Variants in CELF2 observed in about 807,000 individuals in gnomAD.
The protein encoded by CELF2 is CUGBP Elav-like family member 2.
A neutral mutation model predicts 62.6 loss-of-function variants in CELF2; 8 were observed. The ratio of observed to expected loss-of-function variants is 0.13; its 90% CI spans 0.07 to 0.23. CELF2 has a LOEUF of 0.23. CELF2 is among the 10% of genes least tolerant of loss of function. The pLI is 1.00. For synonymous variants in CELF2, 258 were observed against 250.0 expected (o/e 1.03, Z -0.30); for missense variants, 333 against 671.0 (o/e 0.50, Z 5.56).
chr10:10,702,152 C>G, the CELF2 span, among the ~76,000 whole-genome samples: 2 of 152,096 alleles, frequency 1.3e-5, no homozygotes, highest in African/African-American at 4.8e-5. Context: ...ATTCCATGAG[C>G]CCTGCCTTGC....
At chr10:11,067,875 C>T (rs1369948435) in intron 1 of CELF2, among the ~76,000 whole-genome samples, 1 of 152,184 alleles carries the variant, frequency 6.6e-6, no homozygotes, top group Non-Finnish European at 1.5e-5. Flanking sequence ...TGGGAATATT[C>T]AGTTGGCAAG....
chr10:10,571,463 A>C, the CELF2 span, among the ~76,000 whole-genome samples: 5 of 152,200 alleles, frequency 3.3e-5, no homozygotes, highest in African/African-American at 1.2e-4. Context: ...TATAGTTATT[A>C]AGCTGCTGAA....
chr10:10,829,118 G>T (rs1037436056), intron 1 of CELF2, among the ~76,000 whole-genome samples: 1 of 152,224 alleles, frequency 6.6e-6, no homozygotes, highest in African/African-American at 2.4e-5. Context: ...ATGGTTCATT[G>T]TCATCAATCT....
At chr10:10,477,641 A>G in the CELF2 span, among the ~76,000 whole-genome samples, 1 of 152,130 alleles carries the variant, frequency 6.6e-6, no homozygotes, top group East Asian at 1.9e-4. Context: ...AATAGGATTA[A>G]GAGCTCGACA....
the CELF2 span, among the ~76,000 whole-genome samples, chr10:10,635,010 A>C: frequency 6.6e-6 from 1 of 152,192 alleles, no homozygotes; most frequent in African/African-American, 2.4e-5. Context: ...TGGAGGCCAC[A>C]CAGCAGAAGA....
the CELF2 span, among the ~76,000 whole-genome samples, chr10:10,499,651 G>T: frequency 6.6e-6 from 1 of 152,132 alleles, no homozygotes; most frequent in Non-Finnish European, 1.5e-5. Context: ...AGGCCAAGGC[G>T]GGCAGATCAT....
intron 3 of CELF2, among the ~76,000 whole-genome samples, chr10:11,238,392 G>A (rs2072389033): frequency 6.6e-6 from 1 of 152,094 alleles, no homozygotes; most frequent in African/African-American, 2.4e-5. Flanking sequence ...TTTCAAAATT[G>A]TTTTATACCC....
chr10:10,703,179 T>A, the CELF2 span, among the ~76,000 whole-genome samples: 1 of 152,254 alleles, frequency 6.6e-6, no homozygotes. Flanking sequence ...GTTCTTACCA[T>A]GTGCGGGGAA....
the CELF2 span, among the ~76,000 whole-genome samples, chr10:10,554,265 A>G: frequency 6.6e-6 from 1 of 152,130 alleles, no homozygotes; most frequent in Non-Finnish European, 1.5e-5. Context: ...TATGCATAGG[A>G]CATTTCAGAT....
the CELF2 span, among the ~76,000 whole-genome samples, chr10:10,726,627 T>A: frequency 2.0e-5 from 3 of 152,294 alleles, no homozygotes; most frequent in East Asian, 5.8e-4. Flanking sequence ...GTTTGCTCCA[T>A]TTGGTCATGA....
chr10:10,595,534 C>A, the CELF2 span, among the ~76,000 whole-genome samples: 1 of 152,172 alleles, frequency 6.6e-6, no homozygotes, highest in Non-Finnish European at 1.5e-5. Context: ...GTGGAAGCAG[C>A]TTTCCATAAG....
the CELF2 span, among the ~76,000 whole-genome samples, chr10:10,751,914 C>T: frequency 6.6e-6 from 1 of 152,102 alleles, no homozygotes; most frequent in East Asian, 1.9e-4. Context: ...CGTGACCTGG[C>T]TCTTTGATTA....
chr10:10,919,774 A>C (rs1381843626), intron 1 of CELF2, among the ~76,000 whole-genome samples: 1 of 152,254 alleles, frequency 6.6e-6, no homozygotes, highest in African/African-American at 2.4e-5. Flanking sequence ...TTCCGTTGAA[A>C]GTAACCATTG....
At chr10:10,643,712 G>T in the CELF2 span, among the ~76,000 whole-genome samples, 1 of 152,088 alleles carries the variant, frequency 6.6e-6, no homozygotes, top group Non-Finnish European at 1.5e-5. Flanking sequence ...TCCTTCTAGG[G>T]AAGAGGACAA....
At chr10:10,494,778 A>G in the CELF2 span, among the ~76,000 whole-genome samples, 1 of 152,198 alleles carries the variant, frequency 6.6e-6, no homozygotes, top group Admixed American at 6.5e-5. Context: ...ATAAAAAATA[A>G]TATGATTAGA....
chr10:10,560,133 C>T, the CELF2 span, among the ~76,000 whole-genome samples: 4 of 152,124 alleles, frequency 2.6e-5, no homozygotes, highest in African/African-American at 9.7e-5. Context: ...AGGTCAGCTT[C>T]CCAAGTATAG....
At chr10:10,702,774 C>T in the CELF2 span, among the ~76,000 whole-genome samples, 11 of 152,262 alleles carry the variant, frequency 7.2e-5, no homozygotes, top group South Asian at 4.1e-4. Context: ...TTAGTAGAGA[C>T]GGGTTTTCGC....
chr10:10,481,256 A>G, the CELF2 span, among the ~76,000 whole-genome samples: 2 of 152,054 alleles, frequency 1.3e-5, no homozygotes, highest in African/African-American at 2.4e-5. Flanking sequence ...ATTTATTCCT[A>G]TATGTTTTCA....
chr10:11,314,083 C>T lies in CELF2; in HGVS notation c.977-56C>T, dbSNP rs1326561809. The T allele has an allele frequency of 6.5e-6, 10 of 1,531,706 alleles. No individual in the cohort carries two copies. The highest frequency in any genetic ancestry group is 1.7e-5 in the Admixed American group (1 of 57,524). The allele number at this position is 1,531,706 out of a possible 1,614,324, so 94.9% of individuals were successfully genotyped here. On this transcript the variant is annotated intron_variant, in intron 9 of 12. Coordinates refer to ENST00000633077, the MANE Select transcript of CELF2 (RefSeq NM_001326342.2). This position sits in a 1 kb window ranked among gnomAD's most constrained non-coding sequence, Gnocchi z 5.3. ...ATGATGACAGAAGGATTTCCAGTCTCGGCTCTCACTCACCTCGTGTCTTCT... is the reference window on the plus strand; with the variant it reads ...ATGATGACAGAAGGATTTCCAGTCTTGGCTCTCACTCACCTCGTGTCTTCT...
Sources: allele counts gnomAD v4.1 joint callset (sites outside exome capture counted in the v4.1 genomes callset), GRCh38; gene constraint gnomAD v4.1.1; non-coding constraint Gnocchi (gnomAD v3.1); transcripts MANE v1.5; gene names NCBI Gene and HGNC (gene_info 2026-07-23, HGNC 2026-07-21).